The following RASA3 variants were observed in gnomAD, a reference collection of about 807,000 sequenced individuals.
RASA3 encodes ras GTPase-activating protein 3.
A neutral mutation model predicts 110.0 loss-of-function variants in RASA3; 73 were observed. The observed-to-expected ratio is 0.66, with a 90% CI of 0.55 to 0.81. The LOEUF is 0.81. Among genes scored for constraint, RASA3 ranks in the 30% least tolerant of loss-of-function variants. The probability of loss-of-function intolerance (pLI) is 0.00; values close to 1 mark genes in which losing one functional copy is unlikely to be tolerated. For synonymous variants in RASA3, 500 were observed against 451.4 expected (o/e 1.11, Z -1.37); for missense variants, 976 against 1,113.2 (o/e 0.88, Z 1.75).
intron 11 of RASA3, 85 bp from the exon 12 acceptor site, chr13:114,017,436 T>G: frequency 8.9e-7 from 1 of 1,128,916 alleles, no homozygotes; most frequent in South Asian, 1.2e-5. Flanking sequence ...AGCACCTGCC[T>G]GTGGGCTGTG....
intron 1 of RASA3, among the ~76,000 whole-genome samples, chr13:114,100,581 G>A (rs1395749319): frequency 6.6e-6 from 1 of 152,238 alleles, no homozygotes; most frequent in Non-Finnish European, 1.5e-5. Flanking sequence ...CAAGACAAGT[G>A]CAGCAGCCGG....
chr13:113,998,731 A>C (rs935977860), intron 20 of RASA3, among the ~76,000 whole-genome samples: 2 of 152,242 alleles, frequency 1.3e-5, no homozygotes, highest in Non-Finnish European at 2.9e-5. Context: ...ACCCACAGGG[A>C]GGGATGTCCA....
At chr13:114,076,774 C>T (rs2079692114) in intron 1 of RASA3, among the ~76,000 whole-genome samples, 1 of 152,068 alleles carries the variant, frequency 6.6e-6, no homozygotes, top group Non-Finnish European at 1.5e-5. Flanking sequence ...CCCAGCAAGT[C>T]GGACAGGGGC....
intron 4 of RASA3, among the ~76,000 whole-genome samples, chr13:114,030,332 A>G (rs1303902027): frequency 1.3e-5 from 2 of 152,228 alleles, no homozygotes; most frequent in East Asian, 3.9e-4. Context: ...GGAGGCCCGC[A>G]GGAACCTCGG....
chr13:113,995,842 C>T (rs1180516745), intron 21 of RASA3, among the ~76,000 whole-genome samples: 5 of 61,800 alleles, frequency 8.1e-5, no homozygotes, highest in Non-Finnish European at 1.5e-4. Flanking sequence ...GACGGGGGGC[C>T]CGGCTGACGG....
intron 2 of RASA3, among the ~76,000 whole-genome samples, chr13:114,073,200 G>A (rs201516218): frequency 9.9e-5 from 15 of 151,206 alleles, no homozygotes; most frequent in South Asian, 4.2e-4. Context: ...AAAACGGGAC[G>A]GTGACGTACA....
chr13:114,013,383 C>CTTTCCCTCTCTCTG, intron 14 of RASA3, 135 bp from the exon 15 acceptor site: 1 of 554,092 alleles, frequency 1.8e-6, no homozygotes, highest in Non-Finnish European at 3.2e-6. Context: ...GTGTCTGTCT[C>CTTTCCCTCTCTCTG]TCTCCCTCTC....
chr13:114,129,202 G>A (rs1021282591), intron 1 of RASA3, among the ~76,000 whole-genome samples: 4 of 152,200 alleles, frequency 2.6e-5, no homozygotes, highest in African/African-American at 9.7e-5. Context: ...TAGGAAGTGT[G>A]GCTCAGTCAT....
At chr13:114,040,374 G>C (rs1352096014) in intron 4 of RASA3, among the ~76,000 whole-genome samples, 218 of 30,530 alleles carry the variant, frequency 7.1e-3, no homozygotes, top group African/African-American at 0.024. Context: ...CTCACTCCGA[G>C]CACAAGCGGG....
intron 14 of RASA3, 146 bp from the exon 15 acceptor site, chr13:114,013,394 T>TCTGTCTCC (rs1433042820): frequency 7.8e-5 from 46 of 592,602 alleles, no homozygotes; most frequent in Admixed American, 2.7e-4. Flanking sequence ...TCTCCCTCTC[T>TCTGTCTCC]CTGTTTCCCT....
At chr13:114,030,567 C>CACAGAGGGCAAGACTCAT (rs2054143394) in intron 4 of RASA3, among the ~76,000 whole-genome samples, 1 of 151,062 alleles carries the variant, frequency 6.6e-6, no homozygotes, top group African/African-American at 2.5e-5. Flanking sequence ...GCAAGGCTCA[C>CACAGAGGGCAAGACTCAT]GGGGGCTTCT....
intron 21 of RASA3, 141 bp from the exon 22 acceptor site, chr13:113,992,729 C>A (rs757363937): frequency 3.4e-5 from 24 of 707,006 alleles, no homozygotes; most frequent in Non-Finnish European, 5.8e-5. Flanking sequence ...GATTTGCTGT[C>A]CGTCTGTGCA....
intron 1 of RASA3, among the ~76,000 whole-genome samples, chr13:114,101,994 A>G (rs1387645328): frequency 1.3e-5 from 2 of 152,162 alleles, no homozygotes; most frequent in African/African-American, 4.8e-5. Context: ...GGACCCCACA[A>G]GCGACGTCTA....
rs1278908011 is a variant in RASA3, at chr13:114,027,900, G to A, written c.477C>T (p.Ile159=). Residue 159 remains isoleucine, a synonymous_variant, in exon 6 of 24, where the codon ATC becomes ATT. Coordinates refer to ENST00000334062, the MANE Select transcript of RASA3 (RefSeq NM_007368.4). The part of the protein sequence containing the change: ...TRIVECQGLP[I]VNGQCDPYAT... ...CGTAGGGGTCACATTGCCCATTCACGATGGGGAGGCCCTGGCACTCGACGA... is the reference window on the plus strand; with the variant it reads ...CGTAGGGGTCACATTGCCCATTCACAATGGGGAGGCCCTGGCACTCGACGA... 5.6e-6 allele frequency: 9 copies of A among 1,613,762 alleles called. No homozygotes were observed. The highest frequency in any genetic ancestry group is 2.2e-5 in the South Asian group (2 of 91,078).
At chr13:114,079,327 C>A (rs1248442546) in intron 1 of RASA3, among the ~76,000 whole-genome samples, 1 of 152,166 alleles carries the variant, frequency 6.6e-6, no homozygotes, top group Non-Finnish European at 1.5e-5. Flanking sequence ...GGTGCATGGT[C>A]CAGCGAAAGC....
chr13:114,015,241 G>C lies in RASA3; in HGVS notation c.1373C>G (p.Ser458Cys), dbSNP rs1253169534. The change falls in exon 14 of 24, where the codon TCC becomes TGC. Residue 458 changes from serine (S) to cysteine (C), a missense_variant. Physicochemically the swap from Ser to Cys is moderately radical, Grantham distance 112. Around this residue, in one of 4 missense-constraint regions of RASA3, gnomAD observed 732 missense variants for 779.7 expected, o/e 0.94. Transcript: ENST00000334062. The stretch of plus-strand genomic sequence containing the variant: ...GCGCTTGGCCGCCGCCTCCCGGAGG[G>C]AGAAGAAGATGTCACACATGACGGT... The part of the protein sequence containing the change: ...CPTVMCDIFF[S>C]LREAAAKRFQ... 6.2e-7 allele frequency: 1 copy of C among 1,613,058 alleles called. No individual in the cohort carries two copies. Among genetic ancestry groups the C allele is most frequent in the African/African-American group, 1.3e-5 (1 of 74,946 alleles).
Position 114,009,488 on chromosome 13 carries a change from G to C in RASA3, c.1591-24C>G, listed in dbSNP as rs560277648. The C allele has an allele frequency of 1.0e-5, 16 of 1,525,506 alleles. No individual in the cohort carries two copies. The South Asian group carries it at 1.7e-4, about 16-fold the overall frequency. 94.5% of individuals were successfully genotyped at this position (1,525,506 alleles called of 1,614,324 possible). A position where few individuals can be genotyped will look rare whatever the true frequency, so the allele number is the denominator to read the frequency against. On this transcript the variant is annotated intron_variant, in intron 16 of 23. Coordinates refer to ENST00000334062, the MANE Select transcript of RASA3 (RefSeq NM_007368.4). Reference sequence around the variant, plus strand: ...GCCTAAAATGAAACGGAGATCACTCGAGGACAGCCCGAAGTACCTCGGCTC... The same window carrying C: ...GCCTAAAATGAAACGGAGATCACTCCAGGACAGCCCGAAGTACCTCGGCTC...
chr13:114,030,730 G>A (rs529472127), intron 4 of RASA3, among the ~76,000 whole-genome samples: 7 of 152,186 alleles, frequency 4.6e-5, no homozygotes, highest in Non-Finnish European at 7.3e-5. Context: ...GTGTCTGCCT[G>A]TGTGCGTGCG....
At chr13:114,122,197 C>T (rs2080387978) in intron 1 of RASA3, among the ~76,000 whole-genome samples, 1 of 152,238 alleles carries the variant, frequency 6.6e-6, no homozygotes, top group Admixed American at 6.5e-5. Flanking sequence ...CGGTCAGCCC[C>T]ACCCCCGGCC....
Sources: gnomAD v4.1 joint callset for allele counts (sites outside exome capture counted in the v4.1 genomes callset) on GRCh38, gnomAD v4.1.1 for gene constraint, gnomAD v4.1.1 regional missense constraint, MANE v1.5 for transcripts, NCBI Gene and HGNC (gene_info 2026-07-23, HGNC 2026-07-21) for gene names.